The following SRGAP3 variants were observed in gnomAD, a reference collection of about 807,000 sequenced individuals.
SRGAP3 encodes SLIT-ROBO Rho GTPase activating protein 3, also known as SLIT-ROBO Rho GTPase-activating protein 3.
In SRGAP3, 39 loss-of-function variants were observed where a neutral mutation model predicts 121.1. The observed-to-expected ratio is 0.32, with a 90% CI of 0.25 to 0.42. The LOEUF (loss-of-function observed/expected upper bound fraction) is 0.42. Ranked by LOEUF, SRGAP3 falls within the 10% of genes least tolerant of loss-of-function variation. The probability of loss-of-function intolerance (pLI) is 1.00; values close to 1 mark genes in which losing one functional copy is unlikely to be tolerated. For synonymous variants in SRGAP3, 601 were observed against 570.0 expected (o/e 1.05, Z -0.77); for missense variants, 1,213 against 1,470.6 (o/e 0.82, Z 2.86).
chr3:9,064,427 G>A lies in SRGAP3; in HGVS notation c.641C>T (p.Ser214Phe), dbSNP rs571243993. ...RHEDRPQRRS[S>F]VKKIEKMKEK... is the part of the protein sequence containing the mutation. ...CTTCATCTTCTCAATCTTCTTCACA[G>A]AGCTGCGGCGCTGGGGCCGGTCCTC... The change falls in exon 5 of 22, where the codon TCT (serine) becomes TTT (phenylalanine). Residue 214 changes from serine (S) to phenylalanine (F), a missense_variant. Ser to Phe is a radical substitution (Grantham distance 155). This residue lies in a region of SRGAP3 where 793 missense variants were observed against 1,032.9 expected (regional missense o/e 0.77). Transcript: ENST00000383836. The A allele has an allele frequency of 1.2e-6, 2 of 1,614,226 alleles. No individual in the cohort carries two copies. Among genetic ancestry groups the A allele is most frequent in the Non-Finnish European group, 1.7e-6 (2 of 1,180,036 alleles).
At chr3:9,026,203 C>A (rs369195688) in intron 13 of SRGAP3, among the ~76,000 whole-genome samples, 2 of 152,248 alleles carry the variant, frequency 1.3e-5, no homozygotes, top group Non-Finnish European at 2.9e-5. Flanking sequence ...TCTCTCCTCA[C>A]CGCCTTAGCC....
At chr3:9,043,738 A>C (rs1036390007) in intron 10 of SRGAP3, among the ~76,000 whole-genome samples, 9 of 152,162 alleles carry the variant, frequency 5.9e-5, no homozygotes, top group African/African-American at 1.9e-4. Context: ...TTTTCTAGAA[A>C]GTCAGATGGC....
At chr3:9,074,204 G>C (rs1047447572) in intron 4 of SRGAP3, among the ~76,000 whole-genome samples, 1 of 152,264 alleles carries the variant, frequency 6.6e-6, no homozygotes, top group Admixed American at 6.5e-5. Context: ...AGTGGAGATG[G>C]GGAATGGAGA....
At chr3:9,310,888 G>A (rs181619426) in intron 3 of SRGAP3, among the ~76,000 whole-genome samples, 4 of 152,168 alleles carry the variant, frequency 2.6e-5, no homozygotes, top group Admixed American at 6.5e-5. Flanking sequence ...ATATACAGTC[G>A]GCCAGGTGCT....
In SRGAP3 at chr3:9,262,557, G is replaced by C. The variant is rs1180819508; in HGVS notation, n.442+63453C>G. Among the ~76,000 whole-genome samples, 16 of 44,226 alleles carry C rather than the reference G, an allele frequency of 3.6e-4. 1 individual carries two copies. The highest frequency in any genetic ancestry group is 0.017 in the Middle Eastern group (1 of 60). 29.0% of individuals were successfully genotyped at this position (44,226 alleles called of 152,430 possible). ...AGCAAAAAAAAAAAAAAAAAAAAAA[G>C]CAGTGGTTGCAATCCTAGTCTCTGA... is the stretch of plus-strand genomic sequence containing the variant. On this transcript the variant is annotated intron_variant and non_coding_transcript_variant, in intron 3 of 3. Transcript: ENST00000490889.
intron 3 of SRGAP3, among the ~76,000 whole-genome samples, chr3:9,304,795 T>C (rs11916506): frequency 0.032 from 4,891 of 152,120 alleles, 271 homozygotes; most frequent in African/African-American, 0.11. Context: ...AGTCCCTTAT[T>C]CCTGAAGAAA....
chr3:9,012,823 T>C (rs1020970395), intron 17 of SRGAP3, among the ~76,000 whole-genome samples: 2 of 152,210 alleles, frequency 1.3e-5, no homozygotes, highest in African/African-American at 4.8e-5. Context: ...CTTGAGCTTG[T>C]GTTGGAACAT....
chr3:9,164,380 C>T (rs1950709640), intron 1 of SRGAP3, among the ~76,000 whole-genome samples: 1 of 151,854 alleles, frequency 6.6e-6, no homozygotes, highest in Admixed American at 6.6e-5. Context: ...AACTCCACCT[C>T]CTGGGTTCAA....
chr3:9,128,236 T>C (rs1412822154), intron 1 of SRGAP3, among the ~76,000 whole-genome samples: 1 of 152,236 alleles, frequency 6.6e-6, no homozygotes, highest in East Asian at 1.9e-4. Flanking sequence ...AGTTATGCTT[T>C]AATGATTTAT....
At chr3:9,117,670 T>G (rs1948852894) in intron 2 of SRGAP3, among the ~76,000 whole-genome samples, 1 of 152,122 alleles carries the variant, frequency 6.6e-6, no homozygotes, top group East Asian at 1.9e-4. Context: ...TATCAAAAAC[T>G]GAGAAAGCTA....
At chr3:9,004,638 T>C (rs7623326) in intron 18 of SRGAP3, among the ~76,000 whole-genome samples, 4,632 of 152,318 alleles carry the variant, frequency 0.03, 219 homozygotes, top group African/African-American at 0.1. Flanking sequence ...CAAAGGACTT[T>C]TTTTAACAAG....
At chr3:9,058,714 C>CTTTTT (rs71049768) in intron 6 of SRGAP3, 17 of 213,720 alleles carry the variant, frequency 8.0e-5, no homozygotes, top group Non-Finnish European at 8.3e-5. Flanking sequence ...TTCTCTCTCT[C>CTTTTT]TTTTTTTTTT....
intron 1 of SRGAP3, among the ~76,000 whole-genome samples, chr3:9,335,528 G>A (rs1310895235): frequency 6.6e-6 from 1 of 152,064 alleles, no homozygotes; most frequent in Non-Finnish European, 1.5e-5. Flanking sequence ...TCAATCACAG[G>A]GAGCCATATC....
At chr3:9,342,292 A>G (rs1255519406) in intron 1 of SRGAP3, among the ~76,000 whole-genome samples, 1 of 151,916 alleles carries the variant, frequency 6.6e-6, no homozygotes, top group East Asian at 1.9e-4. Context: ...CAGAGGTTGC[A>G]GTGAGCTGAG....
intron 14 of SRGAP3, among the ~76,000 whole-genome samples, chr3:9,016,257 T>C (rs1943632171): frequency 6.6e-6 from 1 of 152,220 alleles, no homozygotes; most frequent in Admixed American, 6.5e-5. Context: ...CAAGATCTAA[T>C]CAACATTCAC....
In SRGAP3 at chr3:9,221,176, C is replaced by T. The variant is rs529620775; in HGVS notation, c.67+27709G>A. Among the ~76,000 whole-genome samples the T allele has an allele frequency of 7.2e-5, 11 of 152,306 alleles. No homozygotes were observed. The South Asian group carries it at 2.3e-3, about 32-fold the overall frequency. On this transcript the variant is annotated intron_variant, in intron 1 of 21. Coordinates refer to ENST00000383836, the MANE Select transcript of SRGAP3 (RefSeq NM_014850.4). ...AGCCCCTCCTGGTACAATTAAGAGA[C>T]CACTGGGGACTGGGTCTTCAGCAAA...
intron 3 of SRGAP3, among the ~76,000 whole-genome samples, chr3:9,091,901 T>C (rs763328029): frequency 6.6e-6 from 1 of 152,210 alleles, no homozygotes; most frequent in Non-Finnish European, 1.5e-5. Flanking sequence ...ATGCCTCCTG[T>C]TGCTGAACTC....
rs1193474994 is a variant in SRGAP3 at position 8,985,615 on chromosome 3, G to A, written c.3204C>T (p.Ser1068=). 2.5e-6 allele frequency: 4 copies of A among 1,597,022 alleles called. No homozygotes were observed. Among genetic ancestry groups the A allele is most frequent in the Middle Eastern group, 1.7e-4 (1 of 5,930 alleles). ...CCACGCCCGAGCTGCTGCTGCTGCT[G>A]GACCGGTGCTGGACCACCGGCCGCA... ...RPVRPVVQHR[S]SSSSSSGVGS... Residue 1068 remains serine, a synonymous_variant, in exon 22 of 22, where the codon TCC becomes TCT. Coordinates refer to ENST00000383836, the MANE Select transcript of SRGAP3 (RefSeq NM_014850.4). This position sits in a 1 kb window ranked among gnomAD's most constrained non-coding sequence, Gnocchi z 5.1.
intron 20 of SRGAP3, among the ~76,000 whole-genome samples, chr3:8,991,726 G>A (rs1255206938): frequency 6.6e-6 from 1 of 152,190 alleles, no homozygotes; most frequent in African/African-American, 2.4e-5. Flanking sequence ...TGAAGGGCTA[G>A]AAGTGGTGAG....
Sources: allele counts gnomAD v4.1 joint callset (sites outside exome capture counted in the v4.1 genomes callset), GRCh38; gene constraint gnomAD v4.1.1; regional missense constraint gnomAD v4.1.1; non-coding constraint Gnocchi (gnomAD v3.1); transcripts MANE v1.5; gene names NCBI Gene and HGNC (gene_info 2026-07-23, HGNC 2026-07-21).